The following STEAP2 variants were observed in gnomAD, a reference collection of about 807,000 sequenced individuals.
STEAP2 encodes the protein STEAP2 metalloreductase.
Under a neutral mutation model 46.4 loss-of-function variants are expected in STEAP2, and 30 were observed. That is an observed-to-expected ratio of 0.65 (90% CI 0.48 to 0.88). The LOEUF (loss-of-function observed/expected upper bound fraction) is 0.88, where lower values mean the gene tolerates loss of function less well. STEAP2 is among the 40% of genes least tolerant of loss of function. STEAP2 has a pLI of 0.00. For synonymous variants in STEAP2, 180 were observed against 200.5 expected, an observed-to-expected ratio of 0.90 and a Z score of 0.86; for missense variants, 513 against 579.3, an observed-to-expected ratio of 0.89 and a Z score of 1.18.
intron 2 of STEAP2, among the ~76,000 whole-genome samples, chr7:90,218,131 C>T (rs1795105755): frequency 6.6e-6 from 1 of 151,778 alleles, no homozygotes; most frequent in African/African-American, 2.4e-5. Flanking sequence ...TTTTTATTGT[C>T]AGTTGTTTGA....
Position 90,212,778 on chromosome 7 carries a change from A to G in STEAP2, c.-147+733A>G, listed in dbSNP as rs17866162. On this transcript the variant is annotated intron_variant, in intron 1 of 5. Transcript: ENST00000394621. ...AAGACAGTCCAGGCCATAGTTAATTATCGCTCATCAGTATAGGAGAAAAAG... is the reference window on the plus strand; with the variant it reads ...AAGACAGTCCAGGCCATAGTTAATTGTCGCTCATCAGTATAGGAGAAAAAG... 4.3e-4 allele frequency among the ~76,000 whole-genome samples: 66 copies of G among 152,174 alleles called. No homozygotes were observed. In the East Asian group the frequency reaches 0.012, roughly 28 times the overall value.
At chr7:90,230,558 G>C (rs762014294) in intron 5 of STEAP2, among the ~76,000 whole-genome samples, 13 of 151,882 alleles carry the variant, frequency 8.6e-5, no homozygotes, top group Non-Finnish European at 1.8e-4. Flanking sequence ...CATGCAACCA[G>C]CCTTAAGAAT....
chr7:90,224,978 A>G (rs1795416227), intron 2 of STEAP2, 72 bp from the exon 3 acceptor site: 4 of 1,318,688 alleles, frequency 3.0e-6, no homozygotes, highest in Non-Finnish European at 2.1e-6. Context: ...AAGACAGGAC[A>G]TTACAATGTC....
At position 90,217,719 on chromosome 7, in the gene STEAP2, AAAAAAAAC is replaced by A. The variant is rs60511607; in HGVS notation, c.-34+1118_-34+1125del. Among the ~76,000 whole-genome samples, 424 of 112,096 alleles carry A rather than the reference AAAAAAAAC, an allele frequency of 3.8e-3. 4 individuals carry two copies. In the East Asian group the frequency reaches 0.083, roughly 22 times the overall value. The allele number at this position is 112,096 out of a possible 152,430, so 73.5% of individuals were successfully genotyped here. A position where few individuals can be genotyped will look rare whatever the true frequency, so the allele number is the denominator to read the frequency against. ...GAATAGTGCGCAAAAAAAAAAAAAA[AAAAAAAAC>A]ATGTGAGGACGGGTATCTCTTTGAT... On this transcript the variant is annotated intron_variant, in intron 2 of 5. Coordinates refer to ENST00000394621, the MANE Select transcript of STEAP2 (RefSeq NM_001244944.2).
At chr7:90,242,581 T>C (rs534568519), downstream of STEAP2, among the ~76,000 whole-genome samples, 1 of 152,320 alleles carries the variant, frequency 6.6e-6, no homozygotes, top group Non-Finnish European at 1.5e-5. Flanking sequence ...TGGTTTGGGG[T>C]GCCATTCCAC....
At chr7:90,213,252 C>T (rs1203446038) in intron 1 of STEAP2, among the ~76,000 whole-genome samples, 1 of 152,090 alleles carries the variant, frequency 6.6e-6, no homozygotes, top group African/African-American at 2.4e-5. Context: ...AAAGCTTTAT[C>T]CAAGTCACTT....
At chr7:90,242,804 G>A (rs973622467), downstream of STEAP2, among the ~76,000 whole-genome samples, 3 of 152,212 alleles carry the variant, frequency 2.0e-5, no homozygotes, top group Non-Finnish European at 2.9e-5. Context: ...CTAGGCAGCA[G>A]AGTGGTGCAG....
chr7:90,226,878 C>A, intron 3 of STEAP2, 93 bp from the exon 4 acceptor site: 1 of 1,243,930 alleles, frequency 8.0e-7, no homozygotes, highest in Non-Finnish European at 1.1e-6. Context: ...TCCTCAAGGT[C>A]ATCACAGGTG....
rs542827625 is a variant in STEAP2, at chr7:90,236,386, C to T, written c.*3762C>T. On this transcript the variant is annotated 3_prime_UTR_variant, in exon 6 of 6. Transcript: ENST00000394621. ...AATGTGTTGAAATTATTTTGTAAAT[C>T]CATGACTTAAAACAAGATACATACA... 175 of 984,206 alleles carry T rather than the reference C, an allele frequency of 1.8e-4. 1 individual carries two copies. The Admixed American group carries it at 0.011, about 60-fold the overall frequency. The allele number at this position is 984,206 out of a possible 1,614,324, so 61.0% of individuals were successfully genotyped here. A position where few individuals can be genotyped will look rare whatever the true frequency, so the allele number is the denominator to read the frequency against.
At chr7:90,215,552 C>T (rs891823412) in intron 1 of STEAP2, 6 of 152,120 alleles carry the variant, frequency 3.9e-5, no homozygotes, top group Admixed American at 3.9e-4. Flanking sequence ...GATTGAGCTC[C>T]CGAAGTTGAA....
chr7:90,213,599 CAT>C (rs1794901636), intron 1 of STEAP2, among the ~76,000 whole-genome samples: 1 of 152,186 alleles, frequency 6.6e-6, no homozygotes, highest in South Asian at 2.1e-4. Flanking sequence ...AGAATTATTA[CAT>C]GTCTTTTTGT....
chr7:90,232,728 A>C lies in STEAP2; in HGVS notation c.*104A>C. 12 of 1,396,548 alleles carry C rather than the reference A, an allele frequency of 8.6e-6. No homozygotes were observed. Among genetic ancestry groups the C allele is most frequent in the Non-Finnish European group, 1.1e-5 (12 of 1,073,502 alleles). The allele number at this position is 1,396,548 out of a possible 1,614,324, so 86.5% of individuals were successfully genotyped here. On this transcript the variant is annotated 3_prime_UTR_variant, in exon 6 of 6. Coordinates refer to ENST00000394621, the MANE Select transcript of STEAP2 (RefSeq NM_001244944.2). ...TATGCTGTCAAATTATCGTGGGTTG[A>C]AACTTGTTAAATGAGATTTCAACTG...
Position 90,234,342 on chromosome 7 carries a change from G to C in STEAP2, c.*1718G>C. The C allele has an allele frequency of 3.0e-6, 3 of 984,918 alleles. No individual in the cohort carries two copies. Among genetic ancestry groups the C allele is most frequent in the Non-Finnish European group, 3.6e-6 (3 of 829,760 alleles). 61.0% of individuals were successfully genotyped at this position (984,918 alleles called of 1,614,324 possible). On this transcript the variant is annotated 3_prime_UTR_variant, in exon 6 of 6. Transcript: ENST00000394621. The stretch of plus-strand genomic sequence containing the variant: ...AATTATAGGCAAGATACAATTATAT[G>C]CGTTCCTCTTCCTGAAATTATAACA...
rs558821183 is a variant in STEAP2 at position 90,237,014 on chromosome 7, A to C, written c.*4390A>C. The C allele has an allele frequency of 1.9e-5, 30 of 1,572,702 alleles. No homozygotes were observed. In the African/African-American group the frequency reaches 3.8e-4, roughly 20 times the overall value. ...CAGCTGTCCTTGCAGTTAGGTGTACATGTGACTGAGTGTTGGCCAGTGAGA... is the reference window on the plus strand; with the variant it reads ...CAGCTGTCCTTGCAGTTAGGTGTACCTGTGACTGAGTGTTGGCCAGTGAGA... On this transcript the variant is annotated 3_prime_UTR_variant, in exon 6 of 6. Coordinates refer to ENST00000394621, the MANE Select transcript of STEAP2 (RefSeq NM_001244944.2).
At chr7:90,242,159 G>A (rs1584259825), downstream of STEAP2, among the ~76,000 whole-genome samples, 1 of 152,156 alleles carries the variant, frequency 6.6e-6, no homozygotes, top group Non-Finnish European at 1.5e-5. Flanking sequence ...ATTTCACTGA[G>A]GAGGGAAAGT....
In STEAP2 at chr7:90,233,927, A is replaced by G. The variant is rs897219852; in HGVS notation, c.*1303A>G. 9.1e-6 allele frequency: 9 copies of G among 985,252 alleles called. No homozygotes were observed. In the Admixed American group the frequency reaches 1.8e-4, roughly 20 times the overall value. 61.0% of individuals were successfully genotyped at this position (985,252 alleles called of 1,614,324 possible). A position where few individuals can be genotyped will look rare whatever the true frequency, so the allele number is the denominator to read the frequency against. ...TATTACTGCTTGTAGGGTAATTCAC[A>G]GTTACTTACCCTATTCTTGCTTGGA... On this transcript the variant is annotated 3_prime_UTR_variant, in exon 6 of 6. Transcript: ENST00000394621.
downstream of STEAP2, chr7:90,237,761 G>A (rs920753779): frequency 3.5e-5 from 7 of 201,520 alleles, no homozygotes; most frequent in African/African-American, 1.6e-4. Context: ...AGTTATGGAG[G>A]GGTTTTGTTT....
chr7:90,224,745 T>C (rs1795407020), intron 2 of STEAP2, among the ~76,000 whole-genome samples: 1 of 152,200 alleles, frequency 6.6e-6, no homozygotes, highest in South Asian at 2.1e-4. Context: ...TCAATCAGAA[T>C]CTACATTTTA....
downstream of STEAP2, chr7:90,238,234 C>G (rs1197402574): frequency 1.5e-6 from 1 of 688,632 alleles, no homozygotes; most frequent in African/African-American, 1.8e-5. Flanking sequence ...TGCCTGTGCA[C>G]CAGATCTGTC....
Sources: gnomAD v4.1 joint callset for allele counts (sites outside exome capture counted in the v4.1 genomes callset) on GRCh38, gnomAD v4.1.1 for gene constraint, MANE v1.5 for transcripts, NCBI Gene and HGNC (gene_info 2026-07-23, HGNC 2026-07-21) for gene names.